The following FGGY variants were observed in gnomAD, a reference collection of about 807,000 sequenced individuals.
FGGY encodes FGGY carbohydrate kinase domain containing, also known as FGGY carbohydrate kinase domain-containing protein.
A neutral mutation model predicts 71.3 loss-of-function variants in FGGY; 72 were observed. That is an observed-to-expected ratio of 1.01 (90% CI 0.84 to 1.23). The LOEUF (loss-of-function observed/expected upper bound fraction) is 1.23. Ranked by LOEUF, FGGY falls within the 50% of genes most tolerant of loss-of-function variation. The pLI is 0.00. For synonymous variants in FGGY, 251 were observed against 250.3 expected, an observed-to-expected ratio of 1.00 and a Z score of -0.02; for missense variants, 668 against 682.3, an observed-to-expected ratio of 0.98 and a Z score of 0.23.
intron 5 of FGGY, among the ~76,000 whole-genome samples, chr1:59,405,546 A>G (rs1272512150): frequency 6.6e-6 from 1 of 152,228 alleles, no homozygotes; most frequent in Non-Finnish European, 1.5e-5. Context: ...TATTTACTGA[A>G]TTGAACTAAA....
chr1:59,558,810 C>T (rs2095736542), intron 8 of FGGY, among the ~76,000 whole-genome samples: 1 of 114,970 alleles, frequency 8.7e-6, no homozygotes. Flanking sequence ...AAGACAGACA[C>T]TCCCAGAGTG....
rs577477738 is a variant in FGGY at position 59,349,431 on chromosome 1, A to T, written c.465+3033A>T. 2.0e-5 allele frequency among the ~76,000 whole-genome samples: 3 copies of T among 152,314 alleles called. No individual in the cohort carries two copies. In the South Asian group the frequency reaches 6.2e-4, roughly 32 times the overall value. On this transcript the variant is annotated intron_variant, in intron 4 of 15. Transcript: ENST00000303721. ...GTTCAGTGTCAGGGCCTTCTAGAGC[A>T]CTTGCCATGTGGCCAGCTCCAGCCT...
At chr1:59,458,210 T>C (rs2091896768) in intron 6 of FGGY, among the ~76,000 whole-genome samples, 1 of 152,228 alleles carries the variant, frequency 6.6e-6, no homozygotes, top group Non-Finnish European at 1.5e-5. Context: ...AATATTCCCA[T>C]GGTATGTTGT....
chr1:59,577,100 G>T (rs1368517478), intron 8 of FGGY, among the ~76,000 whole-genome samples: 1 of 152,056 alleles, frequency 6.6e-6, no homozygotes, highest in East Asian at 1.9e-4. Context: ...TTTATTCAAT[G>T]AGTTGAGCTC....
intron 5 of FGGY, among the ~76,000 whole-genome samples, chr1:59,389,733 C>T (rs550831220): frequency 6.6e-6 from 1 of 152,266 alleles, no homozygotes; most frequent in South Asian, 2.1e-4. Flanking sequence ...CCTCCACATC[C>T]TCCCCAGCTC....
chr1:59,627,725 G>A (rs991703293), intron 10 of FGGY, among the ~76,000 whole-genome samples: 7 of 151,682 alleles, frequency 4.6e-5, no homozygotes, highest in African/African-American at 1.7e-4. Context: ...CTGAGTCTAC[G>A]CTGCGGCAGT....
chr1:59,697,002 C>G (rs1286646847), intron 14 of FGGY, among the ~76,000 whole-genome samples: 1 of 151,554 alleles, frequency 6.6e-6, no homozygotes, highest in Non-Finnish European at 1.5e-5. Context: ...AAAAAAAAAC[C>G]CTTTACCTCC....
intron 14 of FGGY, chr1:59,733,166 A>C (rs929637522): frequency 1.3e-5 from 2 of 154,026 alleles, no homozygotes; most frequent in Admixed American, 1.3e-4. Flanking sequence ...GGGCCTGTGC[A>C]CCCCCAAATA....
intron 2 of FGGY, 61 bp downstream of exon 2, chr1:59,321,811 C>G (rs2046441262): frequency 2.0e-6 from 3 of 1,506,620 alleles, no homozygotes; most frequent in Non-Finnish European, 2.7e-6. Flanking sequence ...TGTCGTGTGT[C>G]AATCTGGTGC....
At chr1:59,517,688 A>G (rs1481457808) in intron 7 of FGGY, among the ~76,000 whole-genome samples, 1 of 152,076 alleles carries the variant, frequency 6.6e-6, no homozygotes, top group Non-Finnish European at 1.5e-5. Flanking sequence ...ACATTGCCTC[A>G]TCTACTAATT....
chr1:59,375,617 C>A (rs957398946), intron 4 of FGGY, among the ~76,000 whole-genome samples: 3 of 152,168 alleles, frequency 2.0e-5, no homozygotes, highest in Non-Finnish European at 4.4e-5. Context: ...TAGAGGGCTT[C>A]CACATGTGTT....
chr1:59,586,482 G>A (rs1571678338), intron 8 of FGGY, among the ~76,000 whole-genome samples: 1 of 152,086 alleles, frequency 6.6e-6, no homozygotes, highest in East Asian at 1.9e-4. Context: ...ACAGGAAGGG[G>A]AACATCACAC....
intron 2 of FGGY, among the ~76,000 whole-genome samples, chr1:59,326,501 A>G (rs2047451965): frequency 6.6e-6 from 1 of 152,222 alleles, no homozygotes; most frequent in South Asian, 2.1e-4. Flanking sequence ...AGAAGTTGTT[A>G]TTCCCATTTA....
At chr1:59,556,021 T>G (rs1387186337) in intron 8 of FGGY, among the ~76,000 whole-genome samples, 2 of 152,090 alleles carry the variant, frequency 1.3e-5, no homozygotes, top group African/African-American at 2.4e-5. Context: ...AATAATAATT[T>G]CAGCATATTT....
chr1:59,583,552 TG>T (rs1311929839), intron 8 of FGGY, among the ~76,000 whole-genome samples: 1 of 142,678 alleles, frequency 7.0e-6, no homozygotes, highest in African/African-American at 2.8e-5. Context: ...TAGAAAACCT[TG>T]GTTGTTTAGA....
chr1:59,582,569 CCTT>C (rs2096213789), intron 8 of FGGY, among the ~76,000 whole-genome samples: 1 of 149,694 alleles, frequency 6.7e-6, no homozygotes, highest in Admixed American at 6.6e-5. Context: ...TCCCTCTACT[CCTT>C]CTCCTAAGTC....
rs376010360 is a variant in FGGY, at chr1:59,427,221, G to A, written c.555-29740G>A. Among the ~76,000 whole-genome samples the A allele has an allele frequency of 2.6e-4, 40 of 152,340 alleles. No individual in the cohort carries two copies. The East Asian group carries it at 7.3e-3, about 28-fold the overall frequency. ...CAGGTCCATAGCAGGCACCCAGGAC[G>A]GAGGTGAAGAGAAGGCGCCTCCCTG... On this transcript the variant is annotated intron_variant, in intron 5 of 15. Coordinates refer to ENST00000303721, the MANE Select transcript of FGGY (RefSeq NM_018291.5).
intron 14 of FGGY, among the ~76,000 whole-genome samples, chr1:59,709,128 T>C (rs2097775819): frequency 6.6e-6 from 1 of 152,108 alleles, no homozygotes; most frequent in African/African-American, 2.4e-5. Context: ...TTCACACTGC[T>C]ATAAAGATAC....
chr1:59,457,505 G>T (rs527833307), intron 6 of FGGY, among the ~76,000 whole-genome samples: 1 of 152,212 alleles, frequency 6.6e-6, no homozygotes, highest in Admixed American at 6.5e-5. Context: ...CAGCTACTCC[G>T]GAGGCTGAGG....
Sources: gnomAD v4.1 joint callset for allele counts (sites outside exome capture counted in the v4.1 genomes callset) on GRCh38, gnomAD v4.1.1 for gene constraint, MANE v1.5 for transcripts, NCBI Gene and HGNC (gene_info 2026-07-23, HGNC 2026-07-21) for gene names.